The following PLA2G4E variants were observed in gnomAD, a reference collection of about 807,000 sequenced individuals.
The protein encoded by PLA2G4E is cytosolic phospholipase A2 epsilon.
In PLA2G4E, 84 loss-of-function variants were observed where a neutral mutation model predicts 109.1. The ratio of observed to expected loss-of-function variants is 0.77; its 90% confidence interval spans 0.65 to 0.92. The LOEUF is 0.92. Ranked by LOEUF, PLA2G4E falls within the 40% of genes least tolerant of loss-of-function variation. The pLI is 0.00. For synonymous variants in PLA2G4E, 469 were observed against 436.1 expected, an observed-to-expected ratio of 1.08 and a Z score of -0.94; for missense variants, 1,057 against 1,076.6, an observed-to-expected ratio of 0.98 and a Z score of 0.25.
chr15:41,990,092 A>G (rs1482052559), intron 14 of PLA2G4E, 29 bp downstream of exon 14: 1 of 1,585,708 alleles, frequency 6.3e-7, no homozygotes, highest in East Asian at 2.3e-5. Context: ...CCTCCACCCC[A>G]CTTGTAAATC....
chr15:42,050,590 G>T, exon 1 of PLA2G4E: 1 of 1,550,598 alleles, frequency 6.4e-7, no homozygotes, highest in Non-Finnish European at 8.7e-7. Context: ...GTGTATCCTC[G>T]AACTCACTGA....
intron 1 of PLA2G4E, among the ~76,000 whole-genome samples, chr15:42,046,046 A>G (rs942661315): frequency 9.9e-5 from 15 of 152,174 alleles, no homozygotes. Context: ...AGTGTGTCCC[A>G]AGTCCTGTAA....
chr15:41,999,227 C>T (rs902740335), intron 10 of PLA2G4E: 13 of 269,988 alleles, frequency 4.8e-5, no homozygotes, highest in Middle Eastern at 1.1e-3. Context: ...TGAAAAGATA[C>T]GCCATAGAAT....
At chr15:41,992,316 C>T (rs368385959) in intron 13 of PLA2G4E, among the ~76,000 whole-genome samples, 1 of 152,128 alleles carries the variant, frequency 6.6e-6, no homozygotes, top group Non-Finnish European at 1.5e-5. Context: ...GGCTGGAGGA[C>T]CCTCCAAGGG....
chr15:41,987,145 C>T, intron 17 of PLA2G4E, 27 bp downstream of exon 17: 1 of 1,591,796 alleles, frequency 6.3e-7, no homozygotes, highest in Non-Finnish European at 8.6e-7. Context: ...TGGAGGCAGG[C>T]CTCAAGGAGT....
intron 7 of PLA2G4E, among the ~76,000 whole-genome samples, chr15:42,000,811 A>G (rs983151364): frequency 1.3e-5 from 2 of 152,130 alleles, no homozygotes; most frequent in Non-Finnish European, 2.9e-5. Context: ...GCATAGTTAG[A>G]GGGGTCCTGG....
chr15:42,000,020 C>T lies in PLA2G4E; in HGVS notation c.853-20G>A. On this transcript the variant is annotated intron_variant, in intron 8 of 19. Coordinates refer to ENST00000399518, the Ensembl canonical transcript of PLA2G4E. ...GCAAAGCTGGAGGGATGGGTGGGTT[C>T]TGTGAGAGGGGCTGGGGAGCTCCTC... 3 of 1,598,082 alleles carry T rather than the reference C, an allele frequency of 1.9e-6. No individual in the cohort carries two copies. Among genetic ancestry groups the T allele is most frequent in the Non-Finnish European group, 2.6e-6 (3 of 1,172,648 alleles).
chr15:42,033,402 G>T (rs1298186410), intron 1 of PLA2G4E, among the ~76,000 whole-genome samples: 2 of 152,194 alleles, frequency 1.3e-5, no homozygotes, highest in Non-Finnish European at 2.9e-5. Flanking sequence ...TTGAGTTAAA[G>T]AATTTTCACT....
chr15:42,050,446 T>G, intron 1 of PLA2G4E: 5 of 1,449,332 alleles, frequency 3.4e-6, no homozygotes, highest in Non-Finnish European at 4.6e-6. Flanking sequence ...GCAATGCAGG[T>G]GATCTTATTC....
chr15:41,995,077 G>A (rs964134797), intron 12 of PLA2G4E, among the ~76,000 whole-genome samples: 1 of 152,258 alleles, frequency 6.6e-6, no homozygotes, highest in African/African-American at 2.4e-5. Context: ...ACCAGGAAAG[G>A]CCAGGGCATA....
chr15:42,008,729 G>C (rs771883609), intron 2 of PLA2G4E, among the ~76,000 whole-genome samples: 1 of 152,168 alleles, frequency 6.6e-6, no homozygotes, highest in African/African-American at 2.4e-5. Flanking sequence ...AGGCAGAGGG[G>C]CCATGACTGC....
At chr15:42,036,469 TGCTGCCATC>T (rs1168310369) in intron 1 of PLA2G4E, among the ~76,000 whole-genome samples, 2 of 152,110 alleles carry the variant, frequency 1.3e-5, no homozygotes, top group African/African-American at 4.8e-5. Flanking sequence ...GGGCAGCCAT[TGCTGCCATC>T]GCCGAGGATG....
At chr15:42,038,963 C>A (rs1889266419) in intron 1 of PLA2G4E, among the ~76,000 whole-genome samples, 1 of 152,120 alleles carries the variant, frequency 6.6e-6, no homozygotes, top group Admixed American at 6.5e-5. Flanking sequence ...TTTTGCTAAT[C>A]CAGTGGATAT....
chr15:41,981,719 C>T (rs908231490), exon 20 of PLA2G4E: 10 of 152,260 alleles, frequency 6.6e-5, no homozygotes, highest in Admixed American at 2.0e-4. Context: ...GCTTGGCTCA[C>T]TCTTTGATAC....
intron 1 of PLA2G4E, among the ~76,000 whole-genome samples, chr15:42,036,439 G>A (rs149233482): frequency 1.3e-5 from 2 of 152,310 alleles, no homozygotes; most frequent in East Asian, 3.9e-4. Context: ...GAGCGGTGCC[G>A]CTTTGGGGAC....
At chr15:42,011,999 C>G (rs138603106) in intron 2 of PLA2G4E, among the ~76,000 whole-genome samples, 302 of 152,284 alleles carry the variant, frequency 2.0e-3, no homozygotes, top group African/African-American at 6.8e-3. Context: ...AAGTCCCTGG[C>G]CCTTTGGTTG....
intron 5 of PLA2G4E, among the ~76,000 whole-genome samples, chr15:42,003,857 G>C (rs1055364124): frequency 2.4e-5 from 3 of 122,846 alleles, no homozygotes; most frequent in Non-Finnish European, 5.8e-5. Flanking sequence ...CTGAGGCGGG[G>C]GTTGCCTTTC....
In PLA2G4E at chr15:41,989,381, C is replaced by A. The variant is rs994163394; in HGVS notation, c.1723+34G>T. 13 of 1,612,732 alleles carry A rather than the reference C, an allele frequency of 8.1e-6. No homozygotes were observed. The East Asian group carries it at 2.9e-4, about 36-fold the overall frequency. On this transcript the variant is annotated intron_variant, in intron 15 of 19. Coordinates refer to ENST00000399518, the Ensembl canonical transcript of PLA2G4E. Reference sequence around the variant, plus strand: ...AGGGTGGCCCAGCACTGGGCAGCAGCCCCCTGTCATTCCGCCAGTTGCAAG... The same window carrying A: ...AGGGTGGCCCAGCACTGGGCAGCAGACCCCTGTCATTCCGCCAGTTGCAAG...
At chr15:42,048,173 T>C (rs1889446721) in intron 1 of PLA2G4E, among the ~76,000 whole-genome samples, 1 of 152,226 alleles carries the variant, frequency 6.6e-6, no homozygotes, top group African/African-American at 2.4e-5. Context: ...GCCTACAGTG[T>C]TCAGTACAGT....
Sources: allele counts gnomAD v4.1 joint callset (sites outside exome capture counted in the v4.1 genomes callset), GRCh38; gene constraint gnomAD v4.1.1; transcripts MANE v1.5; gene names NCBI Gene and HGNC (gene_info 2026-07-23, HGNC 2026-07-21).